Variants in CSMD1 observed in about 807,000 individuals in gnomAD.
CSMD1 encodes the protein CUB and Sushi multiple domains 1, also known as CUB and sushi domain-containing protein 1.
A neutral mutation model predicts 417.5 loss-of-function variants in CSMD1; 213 were observed. The ratio of observed to expected loss-of-function variants is 0.51; its 90% CI spans 0.46 to 0.57. The LOEUF is 0.57. Ranked by LOEUF, CSMD1 falls within the 20% of genes least tolerant of loss-of-function variation. The pLI is 0.00. For missense variants in CSMD1, 6,923 were observed against 4,529.7 expected (o/e 1.53, Z -15.17); for synonymous variants, 2,862 against 1,736.8 (o/e 1.65, Z -16.11).
At chr8:3,697,560 C>G (rs932251709) in intron 7 of CSMD1, among the ~76,000 whole-genome samples, 13 of 152,102 alleles carry the variant, frequency 8.5e-5, no homozygotes, top group African/African-American at 3.1e-4. Flanking sequence ...CTAACAAAGA[C>G]TTGCTCATGT....
chr8:4,003,590 A>G (rs1397652293), intron 4 of CSMD1, among the ~76,000 whole-genome samples: 3 of 152,192 alleles, frequency 2.0e-5, no homozygotes, highest in African/African-American at 7.2e-5. Flanking sequence ...CATTCAAATT[A>G]AAACAACACT....
At chr8:4,258,160 G>C (rs559701858) in intron 3 of CSMD1, among the ~76,000 whole-genome samples, 3 of 150,314 alleles carry the variant, frequency 2.0e-5, no homozygotes, top group Non-Finnish European at 1.5e-5. Flanking sequence ...GTTCAGGCTG[G>C]TCTCAAACTC....
chr8:4,289,845 T>C (rs1267283316), intron 3 of CSMD1, among the ~76,000 whole-genome samples: 1 of 152,056 alleles, frequency 6.6e-6, no homozygotes, highest in Non-Finnish European at 1.5e-5. Flanking sequence ...TGGCTCAGAG[T>C]AGATATTCAA....
chr8:4,924,876 C>G (rs1229161801), intron 1 of CSMD1, among the ~76,000 whole-genome samples: 1 of 151,998 alleles, frequency 6.6e-6, no homozygotes, highest in Non-Finnish European at 1.5e-5. Flanking sequence ...TTTCCCCAAC[C>G]AGCACAAGAC....
intron 1 of CSMD1, among the ~76,000 whole-genome samples, chr8:4,859,337 A>G (rs1801991128): frequency 6.6e-6 from 1 of 152,230 alleles, no homozygotes; most frequent in Non-Finnish European, 1.5e-5. Context: ...AGGCATTACC[A>G]TTCAGGACAT....
At chr8:4,920,598 G>A (rs1355014642) in intron 1 of CSMD1, among the ~76,000 whole-genome samples, 2 of 152,058 alleles carry the variant, frequency 1.3e-5, no homozygotes, top group African/African-American at 4.8e-5. Flanking sequence ...GAGGCAGGTG[G>A]ATCACCTGAA....
At chr8:4,252,983 T>A (rs1247612331) in intron 3 of CSMD1, among the ~76,000 whole-genome samples, 2 of 152,316 alleles carry the variant, frequency 1.3e-5, no homozygotes, top group South Asian at 4.1e-4. Flanking sequence ...AGTAAGCCTA[T>A]GAGTTTTAAA....
At chr8:4,841,771 C>T (rs546881113) in intron 1 of CSMD1, among the ~76,000 whole-genome samples, 2 of 151,720 alleles carry the variant, frequency 1.3e-5, no homozygotes, top group Middle Eastern at 3.4e-3. Flanking sequence ...ATTAGCTGGG[C>T]GTGGTGGCAC....
chr8:4,462,313 T>C (rs1433591409), intron 2 of CSMD1, among the ~76,000 whole-genome samples: 1 of 152,114 alleles, frequency 6.6e-6, no homozygotes, highest in Non-Finnish European at 1.5e-5. Context: ...AAAATATATA[T>C]TCCAAAAACT....
intron 21 of CSMD1, among the ~76,000 whole-genome samples, chr8:3,356,583 G>T (rs957767133): frequency 6.6e-6 from 1 of 152,200 alleles, no homozygotes; most frequent in Non-Finnish European, 1.5e-5. Context: ...GATGAGGCAG[G>T]AGAATTGCTT....
At chr8:4,418,882 G>A (rs768228330) in intron 3 of CSMD1, among the ~76,000 whole-genome samples, 7 of 152,100 alleles carry the variant, frequency 4.6e-5, no homozygotes, top group Non-Finnish European at 1.0e-4. Flanking sequence ...GACATTAGAG[G>A]CAGAATCGCA....
At chr8:3,822,444 C>T (rs968278631) in intron 5 of CSMD1, among the ~76,000 whole-genome samples, 4 of 152,166 alleles carry the variant, frequency 2.6e-5, no homozygotes, top group Non-Finnish European at 2.9e-5. Flanking sequence ...AAGAACAATG[C>T]CACAAAGAAC....
intron 1 of CSMD1, among the ~76,000 whole-genome samples, chr8:4,897,929 T>C (rs1004562872): frequency 6.6e-6 from 1 of 152,126 alleles, no homozygotes; most frequent in African/African-American, 2.4e-5. Flanking sequence ...GGACATTAGA[T>C]TCTAAACATA....
chr8:4,866,849 T>A (rs1168332284), intron 1 of CSMD1, among the ~76,000 whole-genome samples: 1 of 152,030 alleles, frequency 6.6e-6, no homozygotes, highest in East Asian at 1.9e-4. Flanking sequence ...AAATTATAAC[T>A]TTACCATTAA....
At chr8:3,424,864 G>C (rs947751873) in intron 12 of CSMD1, among the ~76,000 whole-genome samples, 1 of 152,124 alleles carries the variant, frequency 6.6e-6, no homozygotes, top group Admixed American at 6.5e-5. Flanking sequence ...ATTTGAGACA[G>C]GGTCTTACTC....
At chr8:4,810,681 G>A (rs1798845853) in intron 1 of CSMD1, among the ~76,000 whole-genome samples, 1 of 152,110 alleles carries the variant, frequency 6.6e-6, no homozygotes, top group South Asian at 2.1e-4. Flanking sequence ...ACTTTATAAT[G>A]TTCCAATGTC....
intron 8 of CSMD1, among the ~76,000 whole-genome samples, chr8:3,589,697 G>A (rs922418972): frequency 6.6e-6 from 1 of 152,164 alleles, no homozygotes; most frequent in Non-Finnish European, 1.5e-5. Flanking sequence ...CATGGTGACT[G>A]TAGTTAATAA....
At chr8:4,395,881 G>A (rs908500342) in intron 3 of CSMD1, among the ~76,000 whole-genome samples, 1 of 152,164 alleles carries the variant, frequency 6.6e-6, no homozygotes, top group Non-Finnish European at 1.5e-5. Context: ...ATTCGGTAGT[G>A]TATCTAGAAA....
chr8:4,571,680 C>T (rs758483824), intron 2 of CSMD1, among the ~76,000 whole-genome samples: 1 of 152,204 alleles, frequency 6.6e-6, no homozygotes, highest in Middle Eastern at 3.4e-3. Context: ...TCCTGAATAT[C>T]TTTGTTAATT....
Sources: gnomAD v4.1 joint callset for allele counts (sites outside exome capture counted in the v4.1 genomes callset) on GRCh38, gnomAD v4.1.1 for gene constraint, MANE v1.5 for transcripts, NCBI Gene and HGNC (gene_info 2026-07-23, HGNC 2026-07-21) for gene names.